The following PAPSS1 variants were observed in gnomAD, a reference collection of about 807,000 sequenced individuals.
PAPSS1 encodes 3'-phosphoadenosine 5'-phosphosulfate synthase 1, also known as bifunctional 3'-phosphoadenosine 5'-phosphosulfate synthase 1.
In PAPSS1, 50 loss-of-function variants were observed where a neutral mutation model predicts 72.0. The ratio of observed to expected loss-of-function variants is 0.69; its 90% CI spans 0.55 to 0.88. The LOEUF (loss-of-function observed/expected upper bound fraction) is 0.88. Ranked by LOEUF, PAPSS1 falls within the 40% of genes least tolerant of loss-of-function variation. The pLI is 0.00. For missense variants in PAPSS1, 657 were observed against 782.2 expected (o/e 0.84, Z 1.91); for synonymous variants, 261 against 263.6 (o/e 0.99, Z 0.09).
intron 9 of PAPSS1, 26 bp downstream of exon 9, chr4:107,653,465 A>G: frequency 6.2e-7 from 1 of 1,602,406 alleles, no homozygotes; most frequent in South Asian, 1.1e-5. Context: ...GCCGGCCTAT[A>G]TTAGGTAATT....
At chr4:107,636,646 CT>C (rs1726392883) in intron 10 of PAPSS1, among the ~76,000 whole-genome samples, 1 of 152,160 alleles carries the variant, frequency 6.6e-6, no homozygotes, top group African/African-American at 2.4e-5. Context: ...ACCTGATTCA[CT>C]GTGTGGTACA....
rs1726694642 is a variant in PAPSS1, at chr4:107,646,336, CATACACACAT to C, written c.1238-1276_1238-1267del. Among the ~76,000 whole-genome samples, 3 of 141,486 alleles carry C rather than the reference CATACACACAT, an allele frequency of 2.1e-5. No homozygotes were observed. In the South Asian group the frequency reaches 6.3e-4, roughly 30 times the overall value. The allele number at this position is 141,486 out of a possible 152,430, so 92.8% of individuals were successfully genotyped here. A position where few individuals can be genotyped will look rare whatever the true frequency, so the allele number is the denominator to read the frequency against. ...ACACACACACACACACATACACACA[CATACACACAT>C]ACACACACACACATCTCTTAGTTTT... is the stretch of plus-strand genomic sequence containing the variant. On this transcript the variant is annotated intron_variant, in intron 9 of 11. Transcript: ENST00000265174.
intron 10 of PAPSS1, among the ~76,000 whole-genome samples, chr4:107,643,684 A>G (rs1010666825): frequency 2.0e-5 from 3 of 152,196 alleles, no homozygotes; most frequent in South Asian, 2.1e-4. Context: ...AGTAGTGAAT[A>G]GAAAGGGGCA....
intron 2 of PAPSS1, among the ~76,000 whole-genome samples, chr4:107,698,460 C>T (rs888374296): frequency 8.5e-5 from 13 of 152,132 alleles, no homozygotes; most frequent in Admixed American, 5.2e-4. Flanking sequence ...ATGGGAGGAG[C>T]TTGAAAGTCA....
At position 107,662,192 on chromosome 4, in the gene PAPSS1, G is replaced by A. The variant is rs773375007; in HGVS notation, c.670-2120C>T. The stretch of plus-strand genomic sequence containing the variant: ...CAGCCAGCTGCGCTGCTCTTGGGGT[G>A]TAGACATGAACGGCACTTTCTGGAA... On this transcript the variant is annotated intron_variant, in intron 5 of 11. Coordinates refer to ENST00000265174, the MANE Select transcript of PAPSS1 (RefSeq NM_005443.5). 2.6e-5 allele frequency among the ~76,000 whole-genome samples: 4 copies of A among 152,256 alleles called. No homozygotes were observed. In the South Asian group the frequency reaches 8.3e-4, roughly 32 times the overall value.
intron 3 of PAPSS1, among the ~76,000 whole-genome samples, chr4:107,688,225 A>G (rs1294831514): frequency 6.6e-6 from 1 of 152,126 alleles, no homozygotes; most frequent in Non-Finnish European, 1.5e-5. Flanking sequence ...CCCCAGCAAC[A>G]AACAAGTACA....
chr4:107,716,724 G>C (rs980290011), intron 1 of PAPSS1, among the ~76,000 whole-genome samples: 2 of 152,212 alleles, frequency 1.3e-5, no homozygotes, highest in Non-Finnish European at 2.9e-5. Flanking sequence ...ACTGAAGTAA[G>C]AGGCAGCTCC....
At chr4:107,687,777 C>T (rs887259966) in intron 3 of PAPSS1, among the ~76,000 whole-genome samples, 1 of 152,162 alleles carries the variant, frequency 6.6e-6, no homozygotes. Flanking sequence ...TTCTGGTCTT[C>T]AAAACCTGAT....
At chr4:107,673,842 T>G (rs189052722) in intron 5 of PAPSS1, among the ~76,000 whole-genome samples, 13 of 152,330 alleles carry the variant, frequency 8.5e-5, no homozygotes, top group African/African-American at 2.6e-4. Context: ...GACTAACAGC[T>G]GATCTCTCAG....
rs1553921120 is a variant in PAPSS1 at position 107,682,143 on chromosome 4, G to GT, written c.551-11dup. The GT allele has an allele frequency of 7.5e-7, 1 of 1,334,582 alleles. No homozygotes were observed. Among genetic ancestry groups the GT allele is most frequent in the Non-Finnish European group, 1.1e-6 (1 of 933,230 alleles). 82.7% of individuals were successfully genotyped at this position (1,334,582 alleles called of 1,614,324 possible). On this transcript the variant is annotated splice_polypyrimidine_tract_variant and intron_variant, in intron 4 of 11. Transcript: ENST00000265174. The stretch of plus-strand genomic sequence containing the variant: ...TCGATCCCAGTGAAACCTGCAAAAG[G>GT]TAACAGATAATAGAGTAGGGTGGAA...
At chr4:107,639,058 G>A (rs1327878247) in intron 10 of PAPSS1, among the ~76,000 whole-genome samples, 1 of 152,128 alleles carries the variant, frequency 6.6e-6, no homozygotes, top group Non-Finnish European at 1.5e-5. Context: ...TTACCTAGCT[G>A]GGAAATCAGG....
intron 10 of PAPSS1, among the ~76,000 whole-genome samples, chr4:107,634,408 C>T (rs1361234768): frequency 2.6e-5 from 4 of 152,162 alleles, no homozygotes; most frequent in Middle Eastern, 3.2e-3. Flanking sequence ...TCACGTACCA[C>T]AGATAATGAT....
At chr4:107,629,867 G>T (rs1433076334) in intron 11 of PAPSS1, among the ~76,000 whole-genome samples, 5 of 152,164 alleles carry the variant, frequency 3.3e-5, no homozygotes, top group East Asian at 3.9e-4. Flanking sequence ...GCCCAGGAAA[G>T]CTTCACCAGA....
intron 10 of PAPSS1, among the ~76,000 whole-genome samples, chr4:107,639,251 T>A (rs1726473315): frequency 6.6e-6 from 1 of 152,212 alleles, no homozygotes; most frequent in Non-Finnish European, 1.5e-5. Flanking sequence ...AAGTTCAGTT[T>A]TCAAGACATA....
intron 10 of PAPSS1, among the ~76,000 whole-genome samples, chr4:107,634,531 AG>A (rs1465877111): frequency 1.3e-5 from 2 of 152,128 alleles, no homozygotes; most frequent in Non-Finnish European, 2.9e-5. Context: ...CATTTTATTA[AG>A]GTTCAAATTT....
At chr4:107,672,622 G>T (rs1446855796) in intron 5 of PAPSS1, among the ~76,000 whole-genome samples, 2 of 152,198 alleles carry the variant, frequency 1.3e-5, no homozygotes, top group African/African-American at 2.4e-5. Context: ...GCCTGCCTCT[G>T]TAGACTCCAC....
chr4:107,645,206 A>G (rs1486295167), intron 9 of PAPSS1, 136 bp from the exon 10 acceptor site: 1 of 60,302 alleles, frequency 1.7e-5, no homozygotes, highest in Non-Finnish European at 3.1e-5. Context: ...GAAAACTGGT[A>G]AAAAAAAAAA....
In PAPSS1 at chr4:107,657,256, A is replaced by G. The variant is rs116905876; in HGVS notation, c.784-249T>C. Among the ~76,000 whole-genome samples the G allele has an allele frequency of 9.2e-5, 14 of 152,250 alleles. No homozygotes were observed. In the East Asian group the frequency reaches 2.5e-3, roughly 27 times the overall value. ...CCTCTCCTAAACTAGTGGTTCTCAAACTTTACCTCAAACCCCTGGAAAGCT... is the reference window on the plus strand; with the variant it reads ...CCTCTCCTAAACTAGTGGTTCTCAAGCTTTACCTCAAACCCCTGGAAAGCT... On this transcript the variant is annotated intron_variant, in intron 6 of 11. Coordinates refer to ENST00000265174, the MANE Select transcript of PAPSS1 (RefSeq NM_005443.5).
At chr4:107,701,103 A>C in intron 2 of PAPSS1, 68 bp downstream of exon 2, 1 of 907,136 alleles carries the variant, frequency 1.1e-6, no homozygotes. Flanking sequence ...AAATATGCTT[A>C]CGCCTAGTCC....
Sources: gnomAD v4.1 joint callset for allele counts (sites outside exome capture counted in the v4.1 genomes callset) on GRCh38, gnomAD v4.1.1 for gene constraint, MANE v1.5 for transcripts, NCBI Gene and HGNC (gene_info 2026-07-23, HGNC 2026-07-21) for gene names.